FARS2: variants seen among roughly 807,000 people sequenced by gnomAD.
FARS2 encodes the protein phenylalanyl-tRNA synthetase 2, mitochondrial.
FARS2 carries 40 observed loss-of-function variants against 46.4 expected under a neutral mutation model. The observed-to-expected ratio is 0.86, with a 90% CI of 0.67 to 1.12. FARS2 has a LOEUF of 1.12. Among genes scored for constraint, FARS2 ranks in the 50% most tolerant of loss-of-function variants. FARS2 has a pLI of 0.00. For missense variants in FARS2, 513 were observed against 567.9 expected, an observed-to-expected ratio of 0.90 and a Z score of 0.98; for synonymous variants, 234 against 214.9, an observed-to-expected ratio of 1.09 and a Z score of -0.78.
intron 6 of FARS2, among the ~76,000 whole-genome samples, chr6:5,726,412 A>G (rs1006487094): frequency 1.3e-5 from 2 of 152,210 alleles, no homozygotes; most frequent in African/African-American, 4.8e-5. Flanking sequence ...TATTTAGGCA[A>G]TGATGATAAA....
rs79196146 is a variant in FARS2 at position 5,510,471 on chromosome 6, T to C, written c.905-34709T>C. 5.1e-4 allele frequency among the ~76,000 whole-genome samples: 78 copies of C among 152,312 alleles called. 1 individual carries two copies. The East Asian group carries it at 0.014, about 28-fold the overall frequency. ...TCTGACCGTGAGTTCCGCCGCAGCCTGGCCTGTCTTTCGCCCTAGTTAGTC... is the reference window on the plus strand; with the variant it reads ...TCTGACCGTGAGTTCCGCCGCAGCCCGGCCTGTCTTTCGCCCTAGTTAGTC... On this transcript the variant is annotated intron_variant, in intron 4 of 6. Coordinates refer to ENST00000274680, the MANE Select transcript of FARS2 (RefSeq NM_006567.5).
intron 3 of FARS2, among the ~76,000 whole-genome samples, chr6:5,407,439 G>A (rs1352919813): frequency 6.6e-6 from 1 of 151,956 alleles, no homozygotes; most frequent in Non-Finnish European, 1.5e-5. Flanking sequence ...ATTGCCAAAC[G>A]CATAGTTCAT....
At chr6:5,276,972 G>C (rs772968792) in intron 1 of FARS2, among the ~76,000 whole-genome samples, 2 of 152,192 alleles carry the variant, frequency 1.3e-5, no homozygotes, top group Non-Finnish European at 2.9e-5. Context: ...TGCAGGCTCA[G>C]TATCTCCTGA....
chr6:5,269,808 T>C (rs1765818300), intron 1 of FARS2, among the ~76,000 whole-genome samples: 1 of 152,248 alleles, frequency 6.6e-6, no homozygotes, highest in South Asian at 2.1e-4. Flanking sequence ...GATAGTATAC[T>C]GTAGACTGTT....
rs1196040434 is a variant in FARS2, at chr6:5,307,228, T to C, written c.-22+45568T>C. On this transcript the variant is annotated intron_variant, in intron 1 of 6. Transcript: ENST00000274680. ...AATGGCTCAGTCCTTTACTTATCAG[T>C]GGGGTGTGAGTGGGTAATGGCACTG... 1.1e-4 allele frequency among the ~76,000 whole-genome samples: 16 copies of C among 152,192 alleles called. No homozygotes were observed. In the East Asian group the frequency reaches 2.9e-3, roughly 27 times the overall value.
At chr6:5,672,340 C>T (rs912396443) in intron 6 of FARS2, among the ~76,000 whole-genome samples, 11 of 152,190 alleles carry the variant, frequency 7.2e-5, no homozygotes, top group African/African-American at 2.7e-4. Context: ...TCAGTCCCAC[C>T]GTGACGCAGC....
At chr6:5,651,128 C>T (rs1777339622) in intron 6 of FARS2, among the ~76,000 whole-genome samples, 1 of 152,136 alleles carries the variant, frequency 6.6e-6, no homozygotes. Context: ...GGAGAGGAGA[C>T]ATCAGCAACA....
intron 4 of FARS2, among the ~76,000 whole-genome samples, chr6:5,440,363 C>A (rs1763772204): frequency 6.6e-6 from 1 of 152,212 alleles, no homozygotes; most frequent in Non-Finnish European, 1.5e-5. Flanking sequence ...AAATATTTAT[C>A]TACATCATCA....
intron 6 of FARS2, among the ~76,000 whole-genome samples, chr6:5,755,674 A>C (rs1690711829): frequency 6.6e-6 from 1 of 152,088 alleles, no homozygotes; most frequent in Non-Finnish European, 1.5e-5. Context: ...TTAGTATATA[A>C]TGGGTTATTT....
intron 4 of FARS2, among the ~76,000 whole-genome samples, chr6:5,475,444 A>G (rs1170668175): frequency 1.3e-5 from 2 of 152,214 alleles, no homozygotes; most frequent in African/African-American, 4.8e-5. Context: ...TTTTATAGTC[A>G]GTGAGTTGAG....
chr6:5,281,707 C>A (rs1305215484), intron 1 of FARS2, among the ~76,000 whole-genome samples: 2 of 148,714 alleles, frequency 1.3e-5, no homozygotes, highest in African/African-American at 4.9e-5. Flanking sequence ...ATTGTCCGAA[C>A]CAATATATAG....
chr6:5,703,824 C>T (rs932607768), intron 6 of FARS2, among the ~76,000 whole-genome samples: 2 of 152,202 alleles, frequency 1.3e-5, no homozygotes, highest in African/African-American at 4.8e-5. Context: ...CACAGAGGCC[C>T]TGCCACCCTT....
chr6:5,485,706 A>T (rs1766735233), intron 4 of FARS2, among the ~76,000 whole-genome samples: 1 of 152,208 alleles, frequency 6.6e-6, no homozygotes, highest in African/African-American at 2.4e-5. Flanking sequence ...GACCATCCAA[A>T]ACAAGCTACT....
At chr6:5,563,276 C>T (rs1772118858) in intron 5 of FARS2, among the ~76,000 whole-genome samples, 1 of 152,076 alleles carries the variant, frequency 6.6e-6, no homozygotes, top group Admixed American at 6.6e-5. Context: ...TATGCAAATG[C>T]AGGGCACAAT....
intron 1 of FARS2, among the ~76,000 whole-genome samples, chr6:5,345,166 T>G (rs1263336591): frequency 6.6e-6 from 1 of 151,202 alleles, no homozygotes; most frequent in African/African-American, 2.4e-5. Context: ...GTATGTGAAG[T>G]GCCTGGTTGG....
intron 1 of FARS2, among the ~76,000 whole-genome samples, chr6:5,296,090 T>C (rs1411490788): frequency 6.6e-6 from 1 of 151,396 alleles, no homozygotes; most frequent in African/African-American, 2.4e-5. Flanking sequence ...TATTTTTAAT[T>C]GCGGTGAAAT....
chr6:5,670,383 TTTAC>T (rs1229026955), intron 6 of FARS2, among the ~76,000 whole-genome samples: 1 of 152,216 alleles, frequency 6.6e-6, no homozygotes, highest in Non-Finnish European at 1.5e-5. Flanking sequence ...TTACTAAACA[TTTAC>T]TTACTAAACT....
At chr6:5,422,952 ATATTCT>A (rs1319393049) in intron 3 of FARS2, among the ~76,000 whole-genome samples, 1 of 152,188 alleles carries the variant, frequency 6.6e-6, no homozygotes, top group African/African-American at 2.4e-5. Flanking sequence ...ACTCTGTGAG[ATATTCT>A]TATTTTTGAC....
intron 1 of FARS2, among the ~76,000 whole-genome samples, chr6:5,324,225 A>G (rs1003198006): frequency 2.6e-5 from 4 of 152,144 alleles, no homozygotes; most frequent in East Asian, 3.8e-4. Flanking sequence ...AGTAGTGACA[A>G]ACTCTATTGT....
Sources: gnomAD v4.1 joint callset for allele counts (sites outside exome capture counted in the v4.1 genomes callset) on GRCh38, gnomAD v4.1.1 for gene constraint, MANE v1.5 for transcripts, NCBI Gene and HGNC (gene_info 2026-07-23, HGNC 2026-07-21) for gene names.